Variants in ITGB7 observed in about 807,000 individuals in gnomAD.
The protein encoded by ITGB7 is integrin beta-7.
ITGB7 carries 55 observed loss-of-function variants against 83.4 expected under a neutral mutation model. The observed-to-expected ratio is 0.66, with a 90% CI of 0.53 to 0.83. The LOEUF (loss-of-function observed/expected upper bound fraction) is 0.83, where lower values mean the gene tolerates loss of function less well. ITGB7 is among the 40% of genes least tolerant of loss of function. The pLI, the probability that ITGB7 is intolerant of heterozygous loss-of-function variation, is 0.00. For synonymous variants in ITGB7, 454 were observed against 423.6 expected (o/e 1.07, Z -0.88); for missense variants, 921 against 1,046.7 (o/e 0.88, Z 1.66).
chr12:53,203,026 GA>G (rs1942354172), intron 1 of ITGB7, among the ~76,000 whole-genome samples: 1 of 152,226 alleles, frequency 6.6e-6, no homozygotes, highest in African/African-American at 2.4e-5. Context: ...CTTGGTAATG[GA>G]TTCTTAGCTG....
At position 53,197,243 on chromosome 12, in the gene ITGB7, G is replaced by A; in HGVS notation, c.574+250C>T. On this transcript the variant is annotated intron_variant, in intron 5 of 15. Coordinates refer to ENST00000267082, the MANE Select transcript of ITGB7 (RefSeq NM_000889.3). ...GGGCAGCTGTCCAGGCCCAGAGAGT[G>A]CCTGAGCACAGTCTCTCCAGACGCT... The A allele has an allele frequency of 1.7e-6, 1 of 594,252 alleles. No homozygotes were observed. Among genetic ancestry groups the A allele is most frequent in the Non-Finnish European group, 3.0e-6 (1 of 330,476 alleles). 36.8% of individuals were successfully genotyped at this position (594,252 alleles called of 1,614,324 possible). A position where few individuals can be genotyped will look rare whatever the true frequency, so the allele number is the denominator to read the frequency against.
At position 53,195,713 on chromosome 12, in the gene ITGB7, AG is replaced by A; in HGVS notation, c.983del (p.Pro328LeufsTer6). ...GGGCCTGGGCTACCTGACCCACAGA[AG>A]GGTAGTCCTGGGACAGGGAGCAGGG... ...LYSRSTEFDY[P>X]SVGQVAQALS... is the part of the protein sequence containing the mutation. On this transcript the variant is annotated frameshift_variant, in exon 8 of 16. Transcript: ENST00000267082. LOFTEE classifies it high-confidence loss of function. The A allele has an allele frequency of 6.2e-7, 1 of 1,613,340 alleles. No individual in the cohort carries two copies. Among genetic ancestry groups the A allele is most frequent in the Non-Finnish European group, 8.5e-7 (1 of 1,179,314 alleles).
At chr12:53,198,033 GC>G in intron 3 of ITGB7, 82 bp from the exon 4 acceptor site, 1 of 1,167,748 alleles carries the variant, frequency 8.6e-7, no homozygotes, top group Non-Finnish European at 1.2e-6. Flanking sequence ...TGCAAACCCG[GC>G]CACCTCTAAT....
chr12:53,197,083 AT>A, intron 5 of ITGB7: 1 of 565,264 alleles, frequency 1.8e-6, no homozygotes, highest in Non-Finnish European at 3.2e-6. Flanking sequence ...GGTATAGGAT[AT>A]GGTAGCAGCA....
chr12:53,197,289 G>T (rs560151487), intron 5 of ITGB7: 20 of 653,528 alleles, frequency 3.1e-5, no homozygotes, highest in African/African-American at 1.6e-4. Context: ...CCTGTAAAAC[G>T]GATAGTCTCT....
At chr12:53,196,874 G>A in intron 5 of ITGB7, 54 bp from the exon 6 acceptor site, 2 of 1,555,044 alleles carry the variant, frequency 1.3e-6, no homozygotes, top group South Asian at 1.2e-5. Context: ...CAGCAACAGA[G>A]GACCCATGAG....
rs761547822 is a variant in ITGB7, at chr12:53,200,335, G to A, written c.109C>T (p.Pro37Ser). ...STGDATEWRN[P>S]HLSMLGSCQP... ...CAGGACCCCAGCATGGACAGGTGAG[G>A]ATTCCGCCATTCTGTGGCATCCCCT... Residue 37 changes from proline (P) to serine (S), a missense_variant, in exon 3 of 16, where the codon CCT becomes TCT. Pro to Ser is a moderately conservative substitution (Grantham distance 74). Coordinates refer to ENST00000267082, the MANE Select transcript of ITGB7 (RefSeq NM_000889.3). 1.9e-6 allele frequency: 3 copies of A among 1,614,190 alleles called. No individual in the cohort carries two copies. The South Asian group carries it at 3.3e-5, about 18-fold the overall frequency.
Position 53,195,624 on chromosome 12 carries a change from A to C in ITGB7, c.1071+2T>G. 6.2e-7 allele frequency: 1 copy of C among 1,612,538 alleles called. No homozygotes were observed. Among genetic ancestry groups the C allele is most frequent in the Non-Finnish European group, 8.5e-7 (1 of 1,178,568 alleles). Reference sequence around the variant, plus strand: ...GGGATCTGACATGTAGACAGCTCTCACCTGGTAGACAGGCAGTGCGGCACT... The same window carrying C: ...GGGATCTGACATGTAGACAGCTCTCCCCTGGTAGACAGGCAGTGCGGCACT... On this transcript the variant is annotated splice_donor_variant, in intron 8 of 15. Coordinates refer to ENST00000267082, the MANE Select transcript of ITGB7 (RefSeq NM_000889.3). LOFTEE classifies it high-confidence loss of function.
chr12:53,204,144 C>T (rs1942381528), intron 1 of ITGB7, among the ~76,000 whole-genome samples: 1 of 152,034 alleles, frequency 6.6e-6, no homozygotes, highest in Non-Finnish European at 1.5e-5. Flanking sequence ...CTTTGGGAGG[C>T]CGAGGCGGGT....
Position 53,196,043 on chromosome 12 carries a change from ACT to A in ITGB7, c.971_972del (p.Glu324ValfsTer2), listed in dbSNP as rs1208480632. On this transcript the variant is annotated frameshift_variant, in exon 7 of 16. Transcript: ENST00000267082. LOFTEE classifies it high-confidence loss of function. ...DSNGLYSRST[E>X]FDYPSVGQVA... ...GCAGGGTGACAATAGGGACTCACAAACTCTGTGCTGCGACTGTAGAGGCCATT... is the reference window on the plus strand; with the variant it reads ...GCAGGGTGACAATAGGGACTCACAAACTGTGCTGCGACTGTAGAGGCCATT... The A allele has an allele frequency of 2.4e-5, 38 of 1,613,754 alleles. No individual in the cohort carries two copies. The highest frequency in any genetic ancestry group is 3.1e-5 in the Non-Finnish European group (37 of 1,179,836).
chr12:53,193,183 A>G lies in ITGB7; in HGVS notation c.1683T>C (p.Cys561=). 1 of 1,613,688 alleles carries G rather than the reference A, an allele frequency of 6.2e-7. No homozygotes were observed. The highest frequency in any genetic ancestry group is 1.7e-5 in the Admixed American group (1 of 60,012). ...CATGTCGCTCACAGCTGGCATCGTC[A>G]CACTCGCACAGATGCCCAGAGCTCT... ...SGQSSGHLCE[C]DDASCERHEG... is the part of the protein sequence containing the mutation. Residue 561 remains cysteine, a synonymous_variant, in exon 12 of 16, where the codon TGT becomes TGC. Coordinates refer to ENST00000267082, the MANE Select transcript of ITGB7 (RefSeq NM_000889.3).
intron 6 of ITGB7, 58 bp downstream of exon 6, chr12:53,196,521 G>C: frequency 1.3e-6 from 2 of 1,561,254 alleles, no homozygotes; most frequent in Non-Finnish European, 1.7e-6. Context: ...ACAACCATAA[G>C]GGGCAGTCCT....
chr12:53,194,169 G>A (rs749769223), intron 10 of ITGB7, 29 bp downstream of exon 10: 18 of 1,612,510 alleles, frequency 1.1e-5, no homozygotes, highest in East Asian at 4.5e-5. Flanking sequence ...CCCCCTGCCC[G>A]CCTTCTGCCT....
chr12:53,193,622 G>T, intron 11 of ITGB7, 86 bp downstream of exon 11: 1 of 1,203,066 alleles, frequency 8.3e-7, no homozygotes, highest in Non-Finnish European at 1.2e-6. Flanking sequence ...ACTCCTGTGG[G>T]GGGGATGGAA....
chr12:53,194,471 T>G, intron 9 of ITGB7, 127 bp from the exon 10 acceptor site: 1 of 901,586 alleles, frequency 1.1e-6, no homozygotes, highest in Non-Finnish European at 1.7e-6. Flanking sequence ...GCTCCTTCCA[T>G]TCTGCCCAGT....
At chr12:53,194,109 T>A in intron 10 of ITGB7, 89 bp downstream of exon 10, 1 of 1,567,990 alleles carries the variant, frequency 6.4e-7, no homozygotes, top group Non-Finnish European at 8.7e-7. Context: ...TGTCACTCCC[T>A]GTACCTGCCA....
chr12:53,205,426 C>T (rs964045675), intron 1 of ITGB7, among the ~76,000 whole-genome samples: 3 of 151,552 alleles, frequency 2.0e-5, no homozygotes, highest in Non-Finnish European at 2.9e-5. Flanking sequence ...TGAGCTCAAG[C>T]GACCCACCTG....
At position 53,200,158 on chromosome 12, in the gene ITGB7, TCACA is replaced by T. The variant is rs1040233817; in HGVS notation, c.201+81_201+84del. 14 of 1,189,576 alleles carry T rather than the reference TCACA, an allele frequency of 1.2e-5. No individual in the cohort carries two copies. In the African/African-American group the frequency reaches 1.6e-4, roughly 14 times the overall value. The allele number at this position is 1,189,576 out of a possible 1,614,324, so 73.7% of individuals were successfully genotyped here. A position where few individuals can be genotyped will look rare whatever the true frequency, so the allele number is the denominator to read the frequency against. On this transcript the variant is annotated intron_variant, in intron 3 of 15. Transcript: ENST00000267082. ...GAAAATCATACATGTGCCCACACAA[TCACA>T]CACATATATCCAGGCTGCACATACA...
intron 1 of ITGB7, among the ~76,000 whole-genome samples, chr12:53,205,583 T>TTGTAATAC (rs1379851056): frequency 6.6e-6 from 1 of 152,170 alleles, no homozygotes; most frequent in East Asian, 1.9e-4. Flanking sequence ...TAGGTATCAT[T>TTGTAATAC]TGTAATACTG....
Sources: allele counts gnomAD v4.1 joint callset (sites outside exome capture counted in the v4.1 genomes callset), GRCh38; gene constraint gnomAD v4.1.1; transcripts MANE v1.5; gene names NCBI Gene and HGNC (gene_info 2026-07-23, HGNC 2026-07-21).